Variants in ARB2A observed in about 807,000 individuals in gnomAD.
ARB2A encodes the protein ARB2 cotranscriptional regulator A.
chr5:93,862,121 A>C, the ARB2A span: 2 of 152,246 alleles, frequency 1.3e-5, no homozygotes, highest in Non-Finnish European at 2.9e-5. Flanking sequence ...TACATAGTGA[A>C]ATATATTCAA....
At chr5:93,859,540 T>C in the ARB2A span, among the ~76,000 whole-genome samples, 1 of 152,166 alleles carries the variant, frequency 6.6e-6, no homozygotes, top group African/African-American at 2.4e-5. Flanking sequence ...AAGAATGTTT[T>C]AAAATATTTT....
chr5:93,904,835 A>C, the ARB2A span, among the ~76,000 whole-genome samples: 64 of 151,848 alleles, frequency 4.2e-4, no homozygotes, highest in African/African-American at 1.2e-3. Context: ...TATTAAGAGG[A>C]AAATCTCATT....
At chr5:94,053,124 A>G in the ARB2A span, 15 of 1,547,144 alleles carry the variant, frequency 9.7e-6, no homozygotes, top group Non-Finnish European at 1.3e-5. Context: ...TAACCCACTT[A>G]CTTTCATTAA....
chr5:93,835,264 G>C, the ARB2A span, among the ~76,000 whole-genome samples: 50 of 152,260 alleles, frequency 3.3e-4, no homozygotes, highest in Non-Finnish European at 1.3e-4. Flanking sequence ...TGAGCTGACA[G>C]CACATGGAAT....
At chr5:93,752,682 C>A in the ARB2A span, among the ~76,000 whole-genome samples, 4 of 151,932 alleles carry the variant, frequency 2.6e-5, no homozygotes, top group South Asian at 4.2e-4. Context: ...ATACTCAGGG[C>A]AAATGATTAT....
the ARB2A span, among the ~76,000 whole-genome samples, chr5:93,659,590 A>G: frequency 6.6e-6 from 1 of 152,174 alleles, no homozygotes; most frequent in African/African-American, 2.4e-5. Flanking sequence ...GAAAATGAAG[A>G]AGCAAAGAAG....
the ARB2A span, among the ~76,000 whole-genome samples, chr5:93,945,242 A>C: frequency 2.6e-5 from 4 of 152,110 alleles, no homozygotes; most frequent in African/African-American, 9.7e-5. Flanking sequence ...CAGGAGTTCG[A>C]GATCAGCCTG....
At chr5:94,011,622 T>C in the ARB2A span, among the ~76,000 whole-genome samples, 1 of 152,126 alleles carries the variant, frequency 6.6e-6, no homozygotes, top group Non-Finnish European at 1.5e-5. Flanking sequence ...GTAGAAAGAC[T>C]GGCTAGCTCT....
the ARB2A span, among the ~76,000 whole-genome samples, chr5:93,999,584 AC>A: frequency 6.6e-6 from 1 of 151,862 alleles, no homozygotes; most frequent in South Asian, 2.1e-4. Flanking sequence ...GTACACCCTG[AC>A]CCCACACATG....
At chr5:94,075,876 A>G in the ARB2A span, among the ~76,000 whole-genome samples, 1 of 152,190 alleles carries the variant, frequency 6.6e-6, no homozygotes, top group African/African-American at 2.4e-5. Flanking sequence ...GTGATGTGCT[A>G]TAAGAGAAAG....
At chr5:94,048,749 G>C in the ARB2A span, among the ~76,000 whole-genome samples, 3 of 152,152 alleles carry the variant, frequency 2.0e-5, no homozygotes, top group Admixed American at 2.0e-4. Flanking sequence ...TGCCATCAGT[G>C]GGGGAAGGGA....
At chr5:93,659,211 G>A in the ARB2A span, among the ~76,000 whole-genome samples, 5 of 151,780 alleles carry the variant, frequency 3.3e-5, no homozygotes, top group Non-Finnish European at 5.9e-5. Context: ...TGGAAGTATC[G>A]TTAAACATGT....
the ARB2A span, among the ~76,000 whole-genome samples, chr5:93,857,239 G>C: frequency 1.3e-5 from 2 of 152,148 alleles, no homozygotes; most frequent in Non-Finnish European, 2.9e-5. Flanking sequence ...AGGAGTCAGG[G>C]ACCCACTTGA....
the ARB2A span, among the ~76,000 whole-genome samples, chr5:93,726,665 A>G: frequency 3.9e-5 from 6 of 151,968 alleles, no homozygotes; most frequent in African/African-American, 1.4e-4. Context: ...ATGAATCAAT[A>G]CTTTTTCTTT....
chr5:94,010,313 T>C, the ARB2A span, among the ~76,000 whole-genome samples: 3 of 152,136 alleles, frequency 2.0e-5, no homozygotes, highest in African/African-American at 7.2e-5. Flanking sequence ...TGATGGATAA[T>C]TTAGAATCAT....
At chr5:93,887,256 TAAA>T in the ARB2A span, among the ~76,000 whole-genome samples, 1 of 81,400 alleles carries the variant, frequency 1.2e-5, no homozygotes, top group Admixed American at 1.3e-4. Context: ...AGTGAGTGGA[TAAA>T]AAAAAAAAAA....
At chr5:93,994,045 CT>C in the ARB2A span, among the ~76,000 whole-genome samples, 1 of 152,050 alleles carries the variant, frequency 6.6e-6, no homozygotes, top group Non-Finnish European at 1.5e-5. Context: ...TCAACAAGAA[CT>C]GCTGTATACT....
chr5:93,683,502 T>TA, the ARB2A span: 3 of 1,574,258 alleles, frequency 1.9e-6, no homozygotes, highest in Non-Finnish European at 1.7e-6. Context: ...AGTGTTACTT[T>TA]AATTGGACTG....
At chr5:93,739,443 A>C in the ARB2A span, 2 of 152,132 alleles carry the variant, frequency 1.3e-5, no homozygotes, top group Non-Finnish European at 2.9e-5. Flanking sequence ...CATTTGCAAG[A>C]CTGATCACAA....
Sources: allele counts gnomAD v4.1 joint callset (sites outside exome capture counted in the v4.1 genomes callset), GRCh38; gene constraint gnomAD v4.1.1; transcripts MANE v1.5; gene names NCBI Gene and HGNC (gene_info 2026-07-23, HGNC 2026-07-21).